Variants in TMPRSS11A observed in about 807,000 individuals in gnomAD.
TMPRSS11A encodes transmembrane serine protease 11A, also known as transmembrane protease serine 11A.
In TMPRSS11A, 53 loss-of-function variants were observed where a neutral mutation model predicts 58.9. That is an observed-to-expected ratio of 0.90 (90% CI 0.72 to 1.13). The LOEUF is 1.13. TMPRSS11A is among the 50% of genes most tolerant of loss of function. TMPRSS11A has a pLI of 0.00. For synonymous variants in TMPRSS11A, 167 were observed against 169.8 expected (o/e 0.98, Z 0.13); for missense variants, 493 against 499.3 (o/e 0.99, Z 0.12).
intron 9 of TMPRSS11A, among the ~76,000 whole-genome samples, chr4:67,913,369 C>T (rs1720041157): frequency 6.6e-6 from 1 of 152,128 alleles, no homozygotes; most frequent in Non-Finnish European, 1.5e-5. Flanking sequence ...TCACCATGTG[C>T]CCCAATTACA....
chr4:67,923,508 T>C (rs540703879), intron 6 of TMPRSS11A, among the ~76,000 whole-genome samples: 2 of 152,094 alleles, frequency 1.3e-5, no homozygotes, highest in Non-Finnish European at 2.9e-5. Flanking sequence ...ATTAAGCATA[T>C]TTTTTTCTTC....
At chr4:67,952,207 C>T (rs542859893) in intron 1 of TMPRSS11A, among the ~76,000 whole-genome samples, 1 of 152,312 alleles carries the variant, frequency 6.6e-6, no homozygotes, top group African/African-American at 2.4e-5. Context: ...GAATAACTTG[C>T]TCTGAGAGAG....
At position 67,911,286 on chromosome 4, in the gene TMPRSS11A, A is replaced by C; in HGVS notation, c.*56T>G. ...TGTACTACACCCACTAAATAGTTGA[A>C]TTCTCATGCATATATGACCTGCATA... is the stretch of plus-strand genomic sequence containing the variant. On this transcript the variant is annotated 3_prime_UTR_variant, in exon 10 of 10. Coordinates refer to ENST00000508048, the MANE Select transcript of TMPRSS11A (RefSeq NM_001114387.2). 6.6e-7 allele frequency: 1 copy of C among 1,525,082 alleles called. No homozygotes were observed. Among genetic ancestry groups the C allele is most frequent in the Non-Finnish European group, 9.0e-7 (1 of 1,113,054 alleles). The allele number at this position is 1,525,082 out of a possible 1,614,324, so 94.5% of individuals were successfully genotyped here.
chr4:67,930,436 A>C (rs1720584027), intron 4 of TMPRSS11A, among the ~76,000 whole-genome samples: 1 of 152,216 alleles, frequency 6.6e-6, no homozygotes, highest in East Asian at 1.9e-4. Flanking sequence ...AAAAGATAGT[A>C]AGTTTAATTT....
intron 5 of TMPRSS11A, among the ~76,000 whole-genome samples, chr4:67,928,043 T>G (rs1320351343): frequency 6.6e-6 from 1 of 152,132 alleles, no homozygotes; most frequent in African/African-American, 2.4e-5. Flanking sequence ...GGTAACTCTT[T>G]TATTTTTTAT....
Position 67,961,252 on chromosome 4 carries a change from T to C in TMPRSS11A, c.11+2131A>G, listed in dbSNP as rs529734877. 5.3e-5 allele frequency among the ~76,000 whole-genome samples: 8 copies of C among 152,272 alleles called. No homozygotes were observed. In the South Asian group the frequency reaches 1.7e-3, roughly 32 times the overall value. Reference sequence around the variant, plus strand: ...ATGGCTAGCATGACTGTAGAACATATTGTAGAATGACTGTGGGTGAGACAT... The same window carrying C: ...ATGGCTAGCATGACTGTAGAACATACTGTAGAATGACTGTGGGTGAGACAT... On this transcript the variant is annotated intron_variant, in intron 1 of 9. Coordinates refer to ENST00000508048, the MANE Select transcript of TMPRSS11A (RefSeq NM_001114387.2).
chr4:67,921,927 C>G (rs1344516997), intron 7 of TMPRSS11A, among the ~76,000 whole-genome samples: 1 of 152,026 alleles, frequency 6.6e-6, no homozygotes, highest in African/African-American at 2.4e-5. Flanking sequence ...AGAAACAAAT[C>G]TAAAATTCTA....
At chr4:67,930,575 A>T (rs1317887282) in intron 4 of TMPRSS11A, among the ~76,000 whole-genome samples, 2 of 151,976 alleles carry the variant, frequency 1.3e-5, no homozygotes, top group Non-Finnish European at 2.9e-5. Flanking sequence ...ACATAAAATA[A>T]TTTCCTCCTC....
intron 8 of TMPRSS11A, 100 bp from the exon 9 acceptor site, chr4:67,914,830 C>A: frequency 9.7e-7 from 1 of 1,026,860 alleles, no homozygotes; most frequent in South Asian, 1.7e-5. Context: ...GTAAAATTGT[C>A]AATACAGAAT....
chr4:67,915,663 C>G (rs1283648446), intron 8 of TMPRSS11A, among the ~76,000 whole-genome samples: 5 of 152,206 alleles, frequency 3.3e-5, no homozygotes, highest in Non-Finnish European at 7.3e-5. Flanking sequence ...GGAGTTGAGA[C>G]ACTTTCCTAA....
In TMPRSS11A at chr4:67,914,685, C is replaced by T. The variant is rs554126423; in HGVS notation, c.998G>A (p.Ser333Asn). 64 of 1,612,918 alleles carry T rather than the reference C, an allele frequency of 4.0e-5. 1 individual carries two copies. The South Asian group carries it at 6.7e-4, about 17-fold the overall frequency. ...CTGTGGTTGCTTGCAGACATCATCA[C>T]TTATGATTTTCACTCTGGCTTCTCG... Reference protein sequence around the residue: ...DLREARVKIISDDVCKQPQVY... With the variant: ...DLREARVKIINDDVCKQPQVY... Residue 333 changes from serine to asparagine, a missense_variant, in exon 9 of 10, where the codon AGT becomes AAT. By Grantham distance (46) the Ser-to-Asn change is conservative. Transcript: ENST00000508048.
chr4:67,916,789 T>C (rs995666297), intron 8 of TMPRSS11A, among the ~76,000 whole-genome samples: 3 of 152,052 alleles, frequency 2.0e-5, no homozygotes, highest in African/African-American at 7.2e-5. Context: ...ATCACGCCAC[T>C]GCACTCCAGC....
intron 3 of TMPRSS11A, among the ~76,000 whole-genome samples, chr4:67,940,538 A>G (rs1351924696): frequency 6.6e-6 from 1 of 152,218 alleles, no homozygotes; most frequent in East Asian, 1.9e-4. Flanking sequence ...AGAAGTGTTC[A>G]TAAGAGTCTC....
chr4:67,927,586 G>A (rs919411859), intron 5 of TMPRSS11A, among the ~76,000 whole-genome samples: 3 of 152,222 alleles, frequency 2.0e-5, no homozygotes, highest in African/African-American at 7.2e-5. Context: ...GTAGCGGAAG[G>A]TGGGCACAGT....
chr4:67,914,783 A>G, intron 8 of TMPRSS11A, 53 bp from the exon 9 acceptor site: 1 of 1,499,974 alleles, frequency 6.7e-7, no homozygotes, highest in Non-Finnish European at 9.2e-7. Flanking sequence ...CTTTGGCTAG[A>G]GTGAAGTGAG....
intron 5 of TMPRSS11A, among the ~76,000 whole-genome samples, chr4:67,927,966 G>T (rs1025981562): frequency 1.3e-5 from 2 of 152,204 alleles, no homozygotes; most frequent in Admixed American, 6.5e-5. Flanking sequence ...ATGAGAAAAT[G>T]AAGACAAAGG....
At position 67,918,905 on chromosome 4, in the gene TMPRSS11A, T is replaced by A. The variant is rs796288542; in HGVS notation, c.952+68A>T. On this transcript the variant is annotated intron_variant, in intron 8 of 9. Transcript: ENST00000508048. ...GTGGAAATGGCTGTCAGGATAATAT[T>A]GATGGAGATGAAATCACATTGCCTT... The A allele has an allele frequency of 9.7e-6, 15 of 1,551,598 alleles. No homozygotes were observed. In the African/African-American group the frequency reaches 1.6e-4, roughly 17 times the overall value.
rs766573543 is a variant in TMPRSS11A at position 67,924,137 on chromosome 4, C to G, written c.511G>C (p.Val171Leu). ...AGCTAACTTGACTTACTTGCTTGGA[C>G]AGTTAACTCCCCTGTTGATGAGCTC... Reference protein sequence around the residue: ...AMSSSTGELTVQASCGKRVVP... With the variant: ...AMSSSTGELTLQASCGKRVVP... Residue 171 changes from valine to leucine, a missense_variant, in exon 6 of 10, where the codon GTC becomes CTC. Val to Leu is a conservative substitution (Grantham distance 32, BLOSUM62 1). Transcript: ENST00000508048. The G allele has an allele frequency of 6.2e-7, 1 of 1,613,268 alleles. No homozygotes were observed. Among genetic ancestry groups the G allele is most frequent in the Non-Finnish European group, 8.5e-7 (1 of 1,179,408 alleles).
In TMPRSS11A at chr4:67,920,564, TAC is replaced by T. The variant is rs1356652483; in HGVS notation, c.693-1334_693-1333del. On this transcript the variant is annotated intron_variant, in intron 7 of 9. Transcript: ENST00000508048. ...ATATATATATATTTTTTTTTATATA[TAC>T]ACACACACATATATGCATATATATA... Among the ~76,000 whole-genome samples, 69 of 146,156 alleles carry T rather than the reference TAC, an allele frequency of 4.7e-4. 1 individual carries two copies. The South Asian group carries it at 0.011, about 23-fold the overall frequency.
Sources: allele counts gnomAD v4.1 joint callset (sites outside exome capture counted in the v4.1 genomes callset), GRCh38; gene constraint gnomAD v4.1.1; transcripts MANE v1.5; gene names NCBI Gene and HGNC (gene_info 2026-07-23, HGNC 2026-07-21).